ADAMTS17: variants seen among roughly 807,000 people sequenced by gnomAD.
The protein encoded by ADAMTS17 is A disintegrin and metalloproteinase with thrombospondin motifs 17.
In ADAMTS17, 113 loss-of-function variants were observed where a neutral mutation model predicts 141.5. The ratio of observed to expected loss-of-function variants is 0.80; its 90% CI spans 0.69 to 0.93. The LOEUF is 0.93. Among genes scored for constraint, ADAMTS17 ranks in the 40% least tolerant of loss-of-function variants. The probability of loss-of-function intolerance (pLI) is 0.00; values close to 1 mark genes in which losing one functional copy is unlikely to be tolerated. For synonymous variants in ADAMTS17, 768 were observed against 630.6 expected (o/e 1.22, Z -3.27); for missense variants, 1,659 against 1,517.9 (o/e 1.09, Z -1.54).
chr15:100,056,747 T>C (rs2032606256), intron 15 of ADAMTS17, among the ~76,000 whole-genome samples: 2 of 152,008 alleles, frequency 1.3e-5, no homozygotes, highest in East Asian at 3.9e-4. Flanking sequence ...TCAGAAAGCA[T>C]AAGTTGGGGG....
intron 7 of ADAMTS17, among the ~76,000 whole-genome samples, chr15:100,246,288 G>A (rs12324301): frequency 0.16 from 24,525 of 152,020 alleles, 2,226 homozygotes; most frequent in Non-Finnish European, 0.2. Context: ...AATAGCATGC[G>A]ACTTTCCTAA....
At chr15:100,188,737 T>G (rs951935749) in intron 8 of ADAMTS17, among the ~76,000 whole-genome samples, 1 of 152,096 alleles carries the variant, frequency 6.6e-6, no homozygotes, top group Admixed American at 6.5e-5. Flanking sequence ...CTCCAGGTGA[T>G]AGAGGAGGCT....
intron 3 of ADAMTS17, among the ~76,000 whole-genome samples, chr15:100,305,563 G>T (rs940522124): frequency 6.6e-6 from 1 of 152,230 alleles, no homozygotes; most frequent in Non-Finnish European, 1.5e-5. Flanking sequence ...TGCACCCAGG[G>T]GCTCACAGGC....
intron 8 of ADAMTS17, among the ~76,000 whole-genome samples, chr15:100,193,940 G>C (rs1200005139): frequency 6.6e-6 from 1 of 152,242 alleles, no homozygotes; most frequent in Non-Finnish European, 1.5e-5. Flanking sequence ...ACTTGGGCTG[G>C]AGACCTCCCG....
chr15:100,172,220 G>A (rs1430590872), intron 8 of ADAMTS17, among the ~76,000 whole-genome samples: 1 of 152,184 alleles, frequency 6.6e-6, no homozygotes, highest in Non-Finnish European at 1.5e-5. Flanking sequence ...GAAAACACTG[G>A]TGCCTGGCTC....
At chr15:100,223,590 A>G (rs910121964) in intron 7 of ADAMTS17, among the ~76,000 whole-genome samples, 11 of 151,496 alleles carry the variant, frequency 7.3e-5, no homozygotes, top group Non-Finnish European at 1.6e-4. Flanking sequence ...AATCACAGTG[A>G]CTCTTGTCCT....
intron 20 of ADAMTS17, among the ~76,000 whole-genome samples, chr15:99,992,368 G>C (rs1375247246): frequency 6.6e-6 from 1 of 152,118 alleles, no homozygotes; most frequent in Non-Finnish European, 1.5e-5. Context: ...AGGAGGAGTG[G>C]TACAGATTTT....
chr15:100,240,534 GA>G (rs556202905), intron 7 of ADAMTS17, among the ~76,000 whole-genome samples: 2 of 152,286 alleles, frequency 1.3e-5, no homozygotes, highest in South Asian at 4.1e-4. Context: ...AGGAAGAACA[GA>G]AGTTAATCAC....
At position 100,331,077 on chromosome 15, in the gene ADAMTS17, C is replaced by T. The variant is rs114654364; in HGVS notation, c.451-23G>A. 2.2e-4 allele frequency: 358 copies of T among 1,614,010 alleles called. 2 individuals carry two copies. In the African/African-American group the frequency reaches 4.1e-3, roughly 19 times the overall value. ...AACCTGTCCAGAAAGGAGAAGGAAA[C>T]GCGATGTCGGTCATCCTCACTCACA... On this transcript the variant is annotated intron_variant, in intron 2 of 21. Coordinates refer to ENST00000268070, the MANE Select transcript of ADAMTS17 (RefSeq NM_139057.4).
Position 100,203,561 on chromosome 15 carries a change from C to T in ADAMTS17, c.1076-4138G>A, listed in dbSNP as rs551227622. On this transcript the variant is annotated intron_variant, in intron 7 of 21. Coordinates refer to ENST00000268070, the MANE Select transcript of ADAMTS17 (RefSeq NM_139057.4). The stretch of plus-strand genomic sequence containing the variant: ...TCTACTAAAAATACAAAAAATTAGC[C>T]GGGTGTGGTGGCAGGTGCCTGTAGT... Among the ~76,000 whole-genome samples, 127 of 152,124 alleles carry T rather than the reference C, an allele frequency of 8.3e-4. No homozygotes were observed. The South Asian group carries it at 0.012, about 14-fold the overall frequency.
chr15:100,007,042 T>C (rs2061049667), intron 18 of ADAMTS17, among the ~76,000 whole-genome samples: 1 of 152,148 alleles, frequency 6.6e-6, no homozygotes, highest in Non-Finnish European at 1.5e-5. Flanking sequence ...TGACTCAGTT[T>C]CCCCACCTTC....
intron 10 of ADAMTS17, among the ~76,000 whole-genome samples, chr15:100,145,213 C>A (rs1465877933): frequency 6.6e-6 from 1 of 152,172 alleles, no homozygotes; most frequent in Non-Finnish European, 1.5e-5. Context: ...CACAGCAACA[C>A]CAGTGAGGGG....
At chr15:100,179,812 A>G (rs2040463331) in intron 8 of ADAMTS17, among the ~76,000 whole-genome samples, 1 of 152,014 alleles carries the variant, frequency 6.6e-6, no homozygotes, top group African/African-American at 2.4e-5. Context: ...ACACTTTTTC[A>G]TTTGTATGTC....
chr15:100,257,863 T>C (rs1309563845), intron 6 of ADAMTS17, among the ~76,000 whole-genome samples: 1 of 152,152 alleles, frequency 6.6e-6, no homozygotes, highest in Non-Finnish European at 1.5e-5. Flanking sequence ...CTCCAAAACC[T>C]TTCCATCACC....
In ADAMTS17 at chr15:100,152,628, A is replaced by G; in HGVS notation, c.1457T>C (p.Phe486Ser). The change falls in exon 10 of 22, where the codon TTC (phenylalanine) becomes TCC (serine). Residue 486 changes from phenylalanine (F) to serine (S), a missense_variant. Phe to Ser is a radical substitution (Grantham distance 155). Transcript: ENST00000268070. ...CQILFGMNAT[F>S]CRNMEHLMCA... ...GCTGCTTACCTCCATGTTTCTGCAGAAGGTGGCATTCATGCCAAACAGGAT... is the reference window on the plus strand; with the variant it reads ...GCTGCTTACCTCCATGTTTCTGCAGGAGGTGGCATTCATGCCAAACAGGAT... 2 of 1,614,012 alleles carry G rather than the reference A, an allele frequency of 1.2e-6. No individual in the cohort carries two copies. Among genetic ancestry groups the G allele is most frequent in the South Asian group, 1.1e-5 (1 of 91,074 alleles).
intron 7 of ADAMTS17, among the ~76,000 whole-genome samples, chr15:100,217,152 T>C (rs2141757260): frequency 6.6e-6 from 1 of 152,254 alleles, no homozygotes; most frequent in Admixed American, 6.5e-5. Context: ...CAATATAAAA[T>C]ACCTGTGTTT....
At chr15:100,214,484 G>A (rs932977199) in intron 7 of ADAMTS17, among the ~76,000 whole-genome samples, 4 of 151,074 alleles carry the variant, frequency 2.6e-5, no homozygotes, top group African/African-American at 9.8e-5. Context: ...TAGTAATTAT[G>A]TAATTGTGGT....
intron 8 of ADAMTS17, among the ~76,000 whole-genome samples, chr15:100,192,978 C>G (rs1238489089): frequency 1.3e-5 from 2 of 152,220 alleles, no homozygotes; most frequent in Non-Finnish European, 2.9e-5. Flanking sequence ...CAAGCACGTG[C>G]CTAGTCAATG....
At chr15:100,234,711 G>A (rs916921042) in intron 7 of ADAMTS17, among the ~76,000 whole-genome samples, 1 of 152,212 alleles carries the variant, frequency 6.6e-6, no homozygotes, top group Non-Finnish European at 1.5e-5. Flanking sequence ...GCTGCAACCA[G>A]CCCGTAAGGC....
Sources: allele counts gnomAD v4.1 joint callset (sites outside exome capture counted in the v4.1 genomes callset), GRCh38; gene constraint gnomAD v4.1.1; transcripts MANE v1.5; gene names NCBI Gene and HGNC (gene_info 2026-07-23, HGNC 2026-07-21).